Variants in SH2D4A observed in about 807,000 individuals in gnomAD.
The protein encoded by SH2D4A is SH2 domain containing 4A, also known as SH2 domain-containing protein 4A.
Under a neutral mutation model 64.7 loss-of-function variants are expected in SH2D4A, and 70 were observed. The observed-to-expected ratio is 1.08, with a 90% CI of 0.89 to 1.32. The LOEUF is 1.32. Ranked by LOEUF, SH2D4A falls within the 40% of genes most tolerant of loss-of-function variation. The probability of loss-of-function intolerance (pLI) is 0.00; values close to 1 mark genes in which losing one functional copy is unlikely to be tolerated. For missense variants in SH2D4A, 706 were observed against 540.1 expected, an observed-to-expected ratio of 1.31 and a Z score of -3.04; for synonymous variants, 268 against 200.7, an observed-to-expected ratio of 1.34 and a Z score of -2.83.
Position 19,319,693 on chromosome 8 carries a change from A to G in SH2D4A, c.146A>G (p.Lys49Arg). 1 of 1,604,124 alleles carries G rather than the reference A, an allele frequency of 6.2e-7. No individual in the cohort carries two copies. The highest frequency in any genetic ancestry group is 8.5e-7 in the Non-Finnish European group (1 of 1,176,568). ...GAAAGAGAAGCAGCTATGGAAAGAA[A>G]GGAGTCCCTGCCAGTGAAACCCAGA... ...WKEREAAMERKESLPVKPRPK... is the reference protein window; with the variant it reads ...WKEREAAMERRESLPVKPRPK... Residue 49 changes from lysine to arginine, a missense_variant, in exon 2 of 10, where the codon AAG (lysine) becomes AGG (arginine). Physicochemically the swap from Lys to Arg is conservative, Grantham distance 26. Transcript: ENST00000265807.
intron 4 of SH2D4A, among the ~76,000 whole-genome samples, chr8:19,340,989 A>AATACC (rs1227453222): frequency 1.3e-5 from 2 of 152,182 alleles, no homozygotes; most frequent in African/African-American, 4.8e-5. Context: ...CAAACAATAC[A>AATACC]ATACCATTTC....
At chr8:19,382,255 G>A (rs894257568) in intron 8 of SH2D4A, among the ~76,000 whole-genome samples, 1 of 152,114 alleles carries the variant, frequency 6.6e-6, no homozygotes, top group Non-Finnish European at 1.5e-5. Flanking sequence ...TTAAAGGACA[G>A]TTTTGCCAGG....
At chr8:19,367,790 C>T (rs2053024328) in intron 7 of SH2D4A, among the ~76,000 whole-genome samples, 1 of 151,932 alleles carries the variant, frequency 6.6e-6, no homozygotes, top group South Asian at 2.1e-4. Context: ...TTTTAAAAAT[C>T]TGGGGCTAGG....
In SH2D4A at chr8:19,379,843, C is replaced by T. The variant is rs537146937; in HGVS notation, c.1048+6183C>T. On this transcript the variant is annotated intron_variant, in intron 8 of 9. Transcript: ENST00000265807. ...TCTCAAACTCCTAGGCTCAAGTAAT[C>T]TTCCCACCTCAGCCTCCCGAGCAGC... is the stretch of plus-strand genomic sequence containing the variant. Among the ~76,000 whole-genome samples, 333 of 152,248 alleles carry T rather than the reference C, an allele frequency of 2.2e-3. 2 individuals are homozygous for T. The highest frequency in any genetic ancestry group is 7.2e-3 in the African/African-American group (298 of 41,556).
chr8:19,343,031 G>T (rs991267560), intron 4 of SH2D4A, among the ~76,000 whole-genome samples: 7 of 152,174 alleles, frequency 4.6e-5, no homozygotes, highest in African/African-American at 1.7e-4. Context: ...TCTCTGCCCT[G>T]CACTGCGAGA....
chr8:19,375,318 C>A (rs1215806928), intron 8 of SH2D4A: 1 of 152,188 alleles, frequency 6.6e-6, no homozygotes, highest in African/African-American at 2.4e-5. Context: ...TGCATCACAT[C>A]TTATCTCTTT....
chr8:19,320,707 C>A (rs935404175), intron 2 of SH2D4A, among the ~76,000 whole-genome samples: 1 of 151,892 alleles, frequency 6.6e-6, no homozygotes, highest in Non-Finnish European at 1.5e-5. Flanking sequence ...CTCCTCACTC[C>A]GTTCTCACTA....
In SH2D4A at chr8:19,381,238, C is replaced by T. The variant is rs548977449; in HGVS notation, c.1048+7578C>T. ...CTAATTTTTGTATTTTTAGTAGAGA[C>T]AGGATTTCACTATGTTGGCCAGGCT... On this transcript the variant is annotated intron_variant, in intron 8 of 9. Coordinates refer to ENST00000265807, the MANE Select transcript of SH2D4A (RefSeq NM_022071.4). Among the ~76,000 whole-genome samples the T allele has an allele frequency of 2.3e-4, 35 of 152,122 alleles. No individual in the cohort carries two copies. In the East Asian group the frequency reaches 6.2e-3, roughly 27 times the overall value.
rs1585223043 is a variant in SH2D4A, at chr8:19,394,731, A to C, written c.*89A>C. The C allele has an allele frequency of 1.1e-6, 1 of 943,186 alleles. No homozygotes were observed. Among genetic ancestry groups the C allele is most frequent in the Admixed American group, 2.6e-5 (1 of 38,952 alleles). The allele number at this position is 943,186 out of a possible 1,614,324, so 58.4% of individuals were successfully genotyped here. ...AACATTTATGTGTGAAGCCAAAATCACCCTGCAGCAGAGCCAATACTGATC... is the reference window on the plus strand; with the variant it reads ...AACATTTATGTGTGAAGCCAAAATCCCCCTGCAGCAGAGCCAATACTGATC... On this transcript the variant is annotated 3_prime_UTR_variant, in exon 10 of 10. Transcript: ENST00000265807.
chr8:19,321,250 G>A (rs931461018), intron 2 of SH2D4A, among the ~76,000 whole-genome samples: 4 of 151,848 alleles, frequency 2.6e-5, no homozygotes. Context: ...GTCTCACTCT[G>A]TCGCCCTGGT....
At chr8:19,366,889 C>T (rs1274776437) in intron 7 of SH2D4A, among the ~76,000 whole-genome samples, 5 of 152,148 alleles carry the variant, frequency 3.3e-5, no homozygotes, top group Non-Finnish European at 7.3e-5. Flanking sequence ...TTAACAATGT[C>T]CTCTAGTTCA....
intron 8 of SH2D4A, among the ~76,000 whole-genome samples, chr8:19,378,796 A>G (rs538433125): frequency 1.3e-5 from 2 of 151,894 alleles, no homozygotes; most frequent in Non-Finnish European, 2.9e-5. Context: ...CTATAATCCC[A>G]GCACTTTGGG....
chr8:19,333,123 T>A lies in SH2D4A; in HGVS notation c.341+9T>A. On this transcript the variant is annotated intron_variant, in intron 3 of 9. Coordinates refer to ENST00000265807, the MANE Select transcript of SH2D4A (RefSeq NM_022071.4). The stretch of plus-strand genomic sequence containing the variant: ...GAGGCAGAAGAGCCCAGGTATGAGA[T>A]CTGCAAACCAACCAGAGACTTAAAG... The A allele has an allele frequency of 6.2e-7, 1 of 1,600,774 alleles. No individual in the cohort carries two copies. The highest frequency in any genetic ancestry group is 1.8e-5 in the Admixed American group (1 of 56,002).
chr8:19,375,949 G>A (rs919248954), intron 8 of SH2D4A, among the ~76,000 whole-genome samples: 4 of 152,002 alleles, frequency 2.6e-5, no homozygotes, highest in African/African-American at 9.7e-5. Context: ...CCTGTCTATT[G>A]CTCCAGTCCC....
chr8:19,382,759 T>C (rs1289007493), intron 8 of SH2D4A, among the ~76,000 whole-genome samples: 1 of 138,258 alleles, frequency 7.2e-6, no homozygotes. Flanking sequence ...GATAATCTTA[T>C]TGACCATCCT....
intron 9 of SH2D4A, among the ~76,000 whole-genome samples, chr8:19,393,975 T>C (rs1469850700): frequency 1.3e-5 from 2 of 152,146 alleles, no homozygotes; most frequent in Non-Finnish European, 2.9e-5. Flanking sequence ...GAAATAATTA[T>C]ACAGTTCAAC....
At chr8:19,373,497 A>G in intron 7 of SH2D4A, 33 bp from the exon 8 acceptor site, 1 of 1,524,298 alleles carries the variant, frequency 6.6e-7, no homozygotes, top group Non-Finnish European at 8.8e-7. Flanking sequence ...CAAATTAGTT[A>G]AATCTAACTT....
intron 2 of SH2D4A, among the ~76,000 whole-genome samples, chr8:19,323,123 C>G (rs2052219449): frequency 6.6e-6 from 1 of 152,008 alleles, no homozygotes. Context: ...TGGATCTACT[C>G]TGCTTGCTGG....
intron 4 of SH2D4A, among the ~76,000 whole-genome samples, chr8:19,347,499 A>G (rs1430807814): frequency 6.6e-6 from 1 of 152,186 alleles, no homozygotes; most frequent in Non-Finnish European, 1.5e-5. Flanking sequence ...GGTTGGGAGA[A>G]TGGCAGACTC....
Sources: gnomAD v4.1 joint callset for allele counts (sites outside exome capture counted in the v4.1 genomes callset) on GRCh38, gnomAD v4.1.1 for gene constraint, MANE v1.5 for transcripts, NCBI Gene and HGNC (gene_info 2026-07-23, HGNC 2026-07-21) for gene names.